Variants in DPP6 observed in about 807,000 individuals in gnomAD.
The protein encoded by DPP6 is dipeptidyl peptidase like 6.
In DPP6, 69 loss-of-function variants were observed where a neutral mutation model predicts 122.6. The observed-to-expected ratio is 0.56, with a 90% CI of 0.46 to 0.69. DPP6 has a LOEUF of 0.69. DPP6 is among the 30% of genes least tolerant of loss of function. The pLI is 0.00. For missense variants in DPP6, 928 were observed against 1,116.9 expected (o/e 0.83, Z 2.41); for synonymous variants, 418 against 433.1 (o/e 0.97, Z 0.43).
At chr7:154,648,547 T>G (rs536686197) in intron 6 of DPP6, among the ~76,000 whole-genome samples, 1 of 152,202 alleles carries the variant, frequency 6.6e-6, no homozygotes, top group South Asian at 2.1e-4. Context: ...GTCTGGATAG[T>G]GGTGGGAAGA....
At chr7:154,862,031 C>G (rs1233624613) in intron 17 of DPP6, among the ~76,000 whole-genome samples, 1 of 152,180 alleles carries the variant, frequency 6.6e-6, no homozygotes, top group South Asian at 2.1e-4. Context: ...TGAGATTCCC[C>G]TTCCATTTTG....
the DPP6 span, among the ~76,000 whole-genome samples, chr7:153,829,295 A>C: frequency 6.6e-6 from 1 of 152,082 alleles, no homozygotes; most frequent in East Asian, 1.9e-4. Flanking sequence ...GGCTCACTGC[A>C]AACTCCACTT....
chr7:154,460,361 T>A (rs1821192459), intron 2 of DPP6, among the ~76,000 whole-genome samples: 1 of 152,198 alleles, frequency 6.6e-6, no homozygotes, highest in Non-Finnish European at 1.5e-5. Context: ...ATTTAGCTGC[T>A]TTACATTTTC....
intron 17 of DPP6, among the ~76,000 whole-genome samples, chr7:154,866,247 T>C (rs1244603726): frequency 6.7e-6 from 1 of 149,476 alleles, no homozygotes; most frequent in South Asian, 2.1e-4. Context: ...TAACTGTGAA[T>C]AGAACATGAA....
intron 7 of DPP6, among the ~76,000 whole-genome samples, chr7:154,690,448 C>T (rs927210183): frequency 3.9e-5 from 6 of 152,146 alleles, no homozygotes; most frequent in African/African-American, 1.2e-4. Flanking sequence ...CAGAACTTCA[C>T]ACTGACTTTG....
chr7:154,059,557 G>A (rs1447434497), intron 1 of DPP6: 1 of 150,170 alleles, frequency 6.7e-6, no homozygotes, highest in South Asian at 2.1e-4. Context: ...GAGCTGTGGG[G>A]TTTTGTAGAC....
intron 21 of DPP6, chr7:154,884,112 A>ACCCATACACATG (rs1805825841): frequency 2.0e-5 from 3 of 146,632 alleles, no homozygotes; most frequent in Admixed American, 2.0e-4. Flanking sequence ...ACACATGCTC[A>ACCCATACACATG]CACACATGCT....
At chr7:154,173,401 G>A (rs1057427238) in intron 1 of DPP6, among the ~76,000 whole-genome samples, 1 of 152,160 alleles carries the variant, frequency 6.6e-6, no homozygotes, top group Non-Finnish European at 1.5e-5. Flanking sequence ...CCTCCCTCAG[G>A]GGCAGCTGGA....
In DPP6 at chr7:154,393,636, G is replaced by A. The variant is rs144394911; in HGVS notation, c.244-52578G>A. 6.0e-3 allele frequency among the ~76,000 whole-genome samples: 894 copies of A among 149,978 alleles called. 8 individuals are homozygous for A. The highest frequency in any genetic ancestry group is 9.4e-3 in the Non-Finnish European group (633 of 67,582). Reference sequence around the variant, plus strand: ...TTTTTTCTCCAATTTTTAAAATTATGGTAAAATATATATAACATAAAATTG... The same window carrying A: ...TTTTTTCTCCAATTTTTAAAATTATAGTAAAATATATATAACATAAAATTG... On this transcript the variant is annotated intron_variant, in intron 1 of 25. Transcript: ENST00000377770.
At chr7:154,477,500 A>G (rs1047477491) in intron 3 of DPP6, among the ~76,000 whole-genome samples, 1 of 148,676 alleles carries the variant, frequency 6.7e-6, no homozygotes, top group South Asian at 2.2e-4. Context: ...AGCCCATGGC[A>G]TCAGACTTGG....
chr7:154,861,930 T>TA (rs1803438956), intron 17 of DPP6, among the ~76,000 whole-genome samples: 1 of 152,092 alleles, frequency 6.6e-6, no homozygotes, highest in African/African-American at 2.4e-5. Context: ...CCATTTTCAC[T>TA]GAACGCCTGA....
intron 12 of DPP6, among the ~76,000 whole-genome samples, chr7:154,800,470 A>G (rs1275021086): frequency 6.6e-6 from 1 of 152,232 alleles, no homozygotes; most frequent in East Asian, 1.9e-4. Flanking sequence ...GGCTTCAGAG[A>G]GGCCAAGGTA....
chr7:154,574,660 G>T (rs1831384913), intron 5 of DPP6, among the ~76,000 whole-genome samples: 1 of 140,920 alleles, frequency 7.1e-6, no homozygotes, highest in South Asian at 2.5e-4. Flanking sequence ...TGTAGTGTTT[G>T]TGTATGTGTG....
chr7:154,716,889 A>T (rs549670433), intron 7 of DPP6, among the ~76,000 whole-genome samples: 2 of 152,172 alleles, frequency 1.3e-5, no homozygotes, highest in African/African-American at 4.8e-5. Context: ...GCTGCAGTGC[A>T]GTTGTGGGAT....
At chr7:154,679,136 C>T (rs1015368928) in intron 7 of DPP6, among the ~76,000 whole-genome samples, 3 of 152,238 alleles carry the variant, frequency 2.0e-5, no homozygotes, top group Non-Finnish European at 2.9e-5. Context: ...GGCTTCATGA[C>T]GGGCCAGCCC....
intron 1 of DPP6, among the ~76,000 whole-genome samples, chr7:154,181,777 GTC>G (rs1034805639): frequency 3.3e-4 from 44 of 134,520 alleles, no homozygotes; most frequent in Non-Finnish European, 4.9e-4. Flanking sequence ...TTGAGACAAA[GTC>G]TCTGTCACCC....
At chr7:153,859,644 G>A in the DPP6 span, among the ~76,000 whole-genome samples, 6 of 152,314 alleles carry the variant, frequency 3.9e-5, no homozygotes, top group African/African-American at 1.4e-4. Flanking sequence ...TATGGCTGTG[G>A]CTAAGTGTAT....
At position 154,063,531 on chromosome 7, in the gene DPP6, A is replaced by C. The variant is rs1183764284; in HGVS notation, c.243+10468A>C. Among the ~76,000 whole-genome samples, 156 of 115,358 alleles carry C rather than the reference A, an allele frequency of 1.4e-3. 11 individuals are homozygous for C. The highest frequency in any genetic ancestry group is 4.7e-3 in the African/African-American group (150 of 31,788). The allele number at this position is 115,358 out of a possible 152,430, so 75.7% of individuals were successfully genotyped here. A position where few individuals can be genotyped will look rare whatever the true frequency, so the allele number is the denominator to read the frequency against. The stretch of plus-strand genomic sequence containing the variant: ...GACCCCCATCGCAGGAGGGGGAGGC[A>C]CCCCCCGCGAGGGTGGGGACTGAGA... On this transcript the variant is annotated intron_variant, in intron 1 of 25. Transcript: ENST00000377770.
At chr7:154,566,222 G>A (rs991699439) in intron 4 of DPP6, among the ~76,000 whole-genome samples, 2 of 152,136 alleles carry the variant, frequency 1.3e-5, no homozygotes, top group African/African-American at 4.8e-5. Context: ...ATATCAAGAG[G>A]TTGAGAGTTT....
Sources: gnomAD v4.1 joint callset for allele counts (sites outside exome capture counted in the v4.1 genomes callset) on GRCh38, gnomAD v4.1.1 for gene constraint, MANE v1.5 for transcripts, NCBI Gene and HGNC (gene_info 2026-07-23, HGNC 2026-07-21) for gene names.